STX18: variants seen among roughly 807,000 people sequenced by gnomAD.
STX18 encodes the protein syntaxin 18, also known as syntaxin-18.
Under a neutral mutation model 50.1 loss-of-function variants are expected in STX18, and 40 were observed. The ratio of observed to expected loss-of-function variants is 0.80; its 90% CI spans 0.62 to 1.04. STX18 has a LOEUF of 1.04. Among genes scored for constraint, STX18 ranks in the 50% least tolerant of loss-of-function variants. The probability of loss-of-function intolerance (pLI) is 0.00; values close to 1 mark genes in which losing one functional copy is unlikely to be tolerated. For missense variants in STX18, 410 were observed against 415.8 expected (o/e 0.99, Z 0.12); for synonymous variants, 158 against 151.8 (o/e 1.04, Z -0.30).
intron 1 of STX18, among the ~76,000 whole-genome samples, chr4:4,530,481 T>G (rs1731043714): frequency 6.6e-6 from 1 of 152,094 alleles, no homozygotes; most frequent in South Asian, 2.1e-4. Context: ...AATGCTGTAG[T>G]GTCTCTATGT....
chr4:4,446,139 C>T (rs181011906), intron 5 of STX18, among the ~76,000 whole-genome samples: 4 of 135,022 alleles, frequency 3.0e-5, no homozygotes, highest in Admixed American at 1.4e-4. Flanking sequence ...ATAAAATAAA[C>T]CTCAACCCCA....
At chr4:4,503,687 G>A (rs1386361938) in intron 1 of STX18, among the ~76,000 whole-genome samples, 1 of 151,990 alleles carries the variant, frequency 6.6e-6, no homozygotes, top group African/African-American at 2.4e-5. Context: ...ATATTTCCAA[G>A]CATAAACCGG....
chr4:4,449,489 G>T (rs1726632017), intron 5 of STX18, among the ~76,000 whole-genome samples: 1 of 151,996 alleles, frequency 6.6e-6, no homozygotes, highest in African/African-American at 2.4e-5. Context: ...TGAGTTTCAC[G>T]GCCTCAACAC....
intron 5 of STX18, among the ~76,000 whole-genome samples, chr4:4,452,899 G>A (rs188443877): frequency 2.0e-5 from 3 of 152,276 alleles, no homozygotes; most frequent in African/African-American, 7.2e-5. Context: ...CAACCTTCCT[G>A]AATAACTTTG....
intron 1 of STX18, among the ~76,000 whole-genome samples, chr4:4,493,014 A>G (rs1442988053): frequency 2.0e-5 from 3 of 152,130 alleles, no homozygotes; most frequent in Non-Finnish European, 4.4e-5. Context: ...TTCTGATTCC[A>G]TTATATTTTT....
At chr4:4,518,687 T>C (rs1331659411) in intron 1 of STX18, among the ~76,000 whole-genome samples, 1 of 152,210 alleles carries the variant, frequency 6.6e-6, no homozygotes, top group Non-Finnish European at 1.5e-5. Flanking sequence ...TTAATTTCTT[T>C]AATTTCATTT....
intron 2 of STX18, among the ~76,000 whole-genome samples, chr4:4,463,422 G>C (rs1727479457): frequency 6.6e-6 from 1 of 152,204 alleles, no homozygotes; most frequent in African/African-American, 2.4e-5. Flanking sequence ...TTAAAATGTA[G>C]ATTTGGCCTG....
chr4:4,486,641 T>C (rs991112176), intron 1 of STX18, among the ~76,000 whole-genome samples: 5 of 152,186 alleles, frequency 3.3e-5, no homozygotes, highest in African/African-American at 9.6e-5. Context: ...TGAGGACTCA[T>C]TAGGAAGTGT....
At chr4:4,440,255 T>A (rs781612194) in intron 5 of STX18, among the ~76,000 whole-genome samples, 1 of 152,260 alleles carries the variant, frequency 6.6e-6, no homozygotes, top group Admixed American at 6.5e-5. Context: ...TAATGCCAGC[T>A]AACATTTGTT....
At chr4:4,502,255 C>T (rs1162345325) in intron 1 of STX18, among the ~76,000 whole-genome samples, 1 of 152,044 alleles carries the variant, frequency 6.6e-6, no homozygotes, top group Admixed American at 6.5e-5. Context: ...CAAAACCACC[C>T]TAACATTGTT....
At chr4:4,462,253 C>T (rs1340245826) in intron 2 of STX18, among the ~76,000 whole-genome samples, 1 of 152,332 alleles carries the variant, frequency 6.6e-6, no homozygotes, top group South Asian at 2.1e-4. Flanking sequence ...CCTGCAACTG[C>T]AGCATAGGTC....
intron 1 of STX18, among the ~76,000 whole-genome samples, chr4:4,539,747 G>C (rs953684324): frequency 1.3e-5 from 2 of 152,170 alleles, no homozygotes; most frequent in African/African-American, 4.8e-5. Context: ...CAGTGACAGG[G>C]AACTCAGCAC....
At chr4:4,447,847 T>G (rs1726512559) in intron 5 of STX18, among the ~76,000 whole-genome samples, 1 of 152,120 alleles carries the variant, frequency 6.6e-6, no homozygotes, top group Non-Finnish European at 1.5e-5. Flanking sequence ...AATATACATT[T>G]TTTTCCTCTG....
intron 1 of STX18, among the ~76,000 whole-genome samples, chr4:4,494,487 A>AG (rs1221828878): frequency 6.6e-6 from 1 of 152,210 alleles, no homozygotes; most frequent in Non-Finnish European, 1.5e-5. Context: ...ACTACATTAC[A>AG]GAGCATATTC....
At chr4:4,483,861 A>T (rs1728571644) in intron 1 of STX18, among the ~76,000 whole-genome samples, 1 of 150,658 alleles carries the variant, frequency 6.6e-6, no homozygotes, top group Admixed American at 6.6e-5. Context: ...CCTCTCAGGA[A>T]TTTTTTTTTT....
intron 1 of STX18, among the ~76,000 whole-genome samples, chr4:4,484,321 T>C (rs1295792425): frequency 6.6e-6 from 1 of 152,208 alleles, no homozygotes; most frequent in African/African-American, 2.4e-5. Context: ...AACAGAACCA[T>C]TGCTTCCCTT....
chr4:4,484,199 C>T (rs537703654), intron 1 of STX18, among the ~76,000 whole-genome samples: 6 of 152,142 alleles, frequency 3.9e-5, no homozygotes, highest in African/African-American at 7.2e-5. Context: ...AATACATCTG[C>T]GGCTTCTGGC....
At chr4:4,499,667 G>C (rs968964653) in intron 1 of STX18, 13 of 333,180 alleles carry the variant, frequency 3.9e-5, no homozygotes, top group African/African-American at 2.9e-4. Flanking sequence ...AACAGGAACT[G>C]TCAAGTTACT....
intron 1 of STX18, among the ~76,000 whole-genome samples, chr4:4,474,927 C>T (rs951070700): frequency 2.6e-5 from 4 of 152,206 alleles, no homozygotes; most frequent in Non-Finnish European, 5.9e-5. Flanking sequence ...TAATTGGTTA[C>T]AGCAGCAATG....
Sources: gnomAD v4.1 joint callset for allele counts (sites outside exome capture counted in the v4.1 genomes callset) on GRCh38, gnomAD v4.1.1 for gene constraint, MANE v1.5 for transcripts, NCBI Gene and HGNC (gene_info 2026-07-23, HGNC 2026-07-21) for gene names.